NOTCH2NLA: variants seen among roughly 807,000 people sequenced by gnomAD.
NOTCH2NLA encodes notch homolog 2 N-terminal-like protein A.
At position 146,187,066 on chromosome 1, in the gene NOTCH2NLA, C is replaced by T. The variant is rs1553810399; in HGVS notation, c.38+2234G>A. Among the ~76,000 whole-genome samples the T allele has an allele frequency of 2.4e-5, 3 of 125,614 alleles. 1 individual carries two copies. The highest frequency in any genetic ancestry group is 1.8e-5 in the Non-Finnish European group (1 of 54,390). The allele number at this position is 125,614 out of a possible 152,430, so 82.4% of individuals were successfully genotyped here. A position where few individuals can be genotyped will look rare whatever the true frequency, so the allele number is the denominator to read the frequency against. ...CTGACAGGCTCCAGTGTGTGATGTT[C>T]CCCTCCCTGTGTCCATGTGTTCTCA... is the stretch of plus-strand genomic sequence containing the variant. On this transcript the variant is annotated intron_variant, in intron 2 of 4. Transcript: ENST00000362074.
At chr1:146,171,379 C>T (rs1553807048) in intron 2 of NOTCH2NLA, among the ~76,000 whole-genome samples, 1 of 140,574 alleles carries the variant, frequency 7.1e-6, no homozygotes. Context: ...TGCAGTGAGC[C>T]AAGATCGCGC....
In NOTCH2NLA at chr1:146,200,424, GA is replaced by G. The variant is rs1173459520; in HGVS notation, c.-44-11044del. 1.0e-3 allele frequency among the ~76,000 whole-genome samples: 17 copies of G among 16,426 alleles called. 2 individuals carry two copies. The highest frequency in any genetic ancestry group is 3.3e-3 in the African/African-American group (9 of 2,716). 10.8% of individuals were successfully genotyped at this position (16,426 alleles called of 152,430 possible). On this transcript the variant is annotated intron_variant, in intron 1 of 4. Transcript: ENST00000362074. Reference sequence around the variant, plus strand: ...GGTGACACAGCAAGACTCTGCCTGAGAAAAAAAAAAAAAAATATATATATAT... The same window carrying G: ...GGTGACACAGCAAGACTCTGCCTGAGAAAAAAAAAAAAAATATATATATAT...
At position 146,185,311 on chromosome 1, in the gene NOTCH2NLA, G is replaced by A. The variant is rs587610743; in HGVS notation, c.38+3989C>T. Among the ~76,000 whole-genome samples the A allele has an allele frequency of 1.5e-5, 2 of 136,298 alleles. 1 individual carries two copies. Among genetic ancestry groups the A allele is most frequent in the Admixed American group, 1.5e-4 (2 of 13,110 alleles). 89.4% of individuals were successfully genotyped at this position (136,298 alleles called of 152,430 possible). ...AAAATCTGAAGCAAACAACTTGAAA[G>A]TGATTAATGACATCAAATTTAATTA... is the stretch of plus-strand genomic sequence containing the variant. On this transcript the variant is annotated intron_variant, in intron 2 of 4. Coordinates refer to ENST00000362074, the Ensembl canonical transcript of NOTCH2NLA.
intron 2 of NOTCH2NLA, among the ~76,000 whole-genome samples, chr1:146,172,884 G>C (rs1662063531): frequency 6.9e-6 from 1 of 144,934 alleles, no homozygotes; most frequent in Admixed American, 7.0e-5. Context: ...CCACTAAGCA[G>C]CTGGTTCCAA....
chr1:146,159,420 AAAGAAAG>A (rs1661362282), intron 3 of NOTCH2NLA, among the ~76,000 whole-genome samples: 3 of 150,170 alleles, frequency 2.0e-5, no homozygotes, highest in Admixed American at 1.3e-4. Flanking sequence ...AGAAAGAAAG[AAAGAAAG>A]AAAGAAAGAA....
At position 146,207,745 on chromosome 1, in the gene NOTCH2NLA, T is replaced by TAAA. The variant is rs1663657389; in HGVS notation, c.-44-18367_-44-18365dup. ...CCATTCGTGGTCATGATCTGCAGTT[T>TAAA]AAAAAACAATGGACTAAAGCATGCA... On this transcript the variant is annotated intron_variant, in intron 1 of 4. Transcript: ENST00000362074. 3.6e-5 allele frequency among the ~76,000 whole-genome samples: 3 copies of TAAA among 82,680 alleles called. No individual in the cohort carries two copies. The South Asian group carries it at 1.5e-3, about 41-fold the overall frequency. The allele number at this position is 82,680 out of a possible 152,430, so 54.2% of individuals were successfully genotyped here.
In NOTCH2NLA at chr1:146,197,427, C is replaced by CA. The variant is rs1322518686; in HGVS notation, c.-44-8047dup. Among the ~76,000 whole-genome samples, 5 of 94,434 alleles carry CA rather than the reference C, an allele frequency of 5.3e-5. 1 individual carries two copies. Among genetic ancestry groups the CA allele is most frequent in the Non-Finnish European group, 8.5e-5 (4 of 46,848 alleles). 62.0% of individuals were successfully genotyped at this position (94,434 alleles called of 152,430 possible). A position where few individuals can be genotyped will look rare whatever the true frequency, so the allele number is the denominator to read the frequency against. ...CTATTTTATAATATTGAACTCATTG[C>CA]AAAAAAAATTCATCAGTGTTTGCTG... is the stretch of plus-strand genomic sequence containing the variant. On this transcript the variant is annotated intron_variant, in intron 1 of 4. Coordinates refer to ENST00000362074, the Ensembl canonical transcript of NOTCH2NLA.
chr1:146,174,718 C>T (rs1571290713), intron 2 of NOTCH2NLA, among the ~76,000 whole-genome samples: 2 of 144,190 alleles, frequency 1.4e-5, no homozygotes, highest in African/African-American at 4.9e-5. Context: ...TTGCACTGGG[C>T]CTCTTGGCCC....
Position 146,186,804 on chromosome 1 carries a change from G to C in NOTCH2NLA, c.38+2496C>G, listed in dbSNP as rs587594940. ...CACCAAGTTGAATGATCTTCAAATA[G>C]AACCAATTTGCCTCTCTGTATGGTA... On this transcript the variant is annotated intron_variant, in intron 2 of 4. Transcript: ENST00000362074. 6.1e-3 allele frequency among the ~76,000 whole-genome samples: 813 copies of C among 132,920 alleles called. 40 individuals are homozygous for C. Among genetic ancestry groups the C allele is most frequent in the African/African-American group, 0.019 (769 of 39,652 alleles). 87.2% of individuals were successfully genotyped at this position (132,920 alleles called of 152,430 possible).
At chr1:146,174,400 C>CGT (rs1478594183) in intron 2 of NOTCH2NLA, among the ~76,000 whole-genome samples, 1 of 95,810 alleles carries the variant, frequency 1.0e-5, no homozygotes, top group African/African-American at 4.1e-5. Flanking sequence ...CTGTCTTTAG[C>CGT]TTTTTTTTTT....
At chr1:146,175,267 A>G (rs1772509) in intron 2 of NOTCH2NLA, among the ~76,000 whole-genome samples, 7 of 137,562 alleles carry the variant, frequency 5.1e-5, no homozygotes, top group East Asian at 4.0e-4. Flanking sequence ...ACATGCATGA[A>G]GACTTCTAGT....
chr1:146,174,704 C>T lies in NOTCH2NLA; in HGVS notation c.39-9694G>A, dbSNP rs587698505. Among the ~76,000 whole-genome samples, 750 of 144,172 alleles carry T rather than the reference C, an allele frequency of 5.2e-3. 7 individuals are homozygous for T. The highest frequency in any genetic ancestry group is 0.017 in the African/African-American group (710 of 41,050). 94.6% of individuals were successfully genotyped at this position (144,172 alleles called of 152,430 possible). A position where few individuals can be genotyped will look rare whatever the true frequency, so the allele number is the denominator to read the frequency against. On this transcript the variant is annotated intron_variant, in intron 2 of 4. Transcript: ENST00000362074. ...CAGAACTCTGCTTTCAACCCACTTTCTTCTTGCACTGGGCCTCTTGGCCCC... is the reference window on the plus strand; with the variant it reads ...CAGAACTCTGCTTTCAACCCACTTTTTTCTTGCACTGGGCCTCTTGGCCCC...
At chr1:146,229,001 G>A (rs1553820651) in exon 1 of NOTCH2NLA, 1 of 1,378,402 alleles carries the variant, frequency 7.3e-7, no homozygotes, top group African/African-American at 1.6e-5. Flanking sequence ...CCCGAAGTTT[G>A]GCTGAAACTT....
intron 1 of NOTCH2NLA, among the ~76,000 whole-genome samples, chr1:146,228,034 C>T (rs587636978): frequency 8.2e-6 from 1 of 121,460 alleles, no homozygotes; most frequent in South Asian, 2.7e-4. Flanking sequence ...AAATCATGTG[C>T]CTCAGCATGC....
At chr1:146,159,393 G>GAAAGAAAGAA (rs1341934537) in intron 3 of NOTCH2NLA, among the ~76,000 whole-genome samples, 2 of 111,156 alleles carry the variant, frequency 1.8e-5, no homozygotes, top group African/African-American at 6.9e-5. Context: ...GAGAAAGAGA[G>GAAAGAAAGAA]AGAAAGAAAG....
intron 2 of NOTCH2NLA, among the ~76,000 whole-genome samples, chr1:146,186,105 C>G: frequency 7.4e-6 from 1 of 134,342 alleles, no homozygotes; most frequent in South Asian, 2.4e-4. Flanking sequence ...CTTATGTTGA[C>G]CCTGCCACTC....
chr1:146,219,810 T>A (rs1190027467), intron 1 of NOTCH2NLA, among the ~76,000 whole-genome samples: 2 of 94,610 alleles, frequency 2.1e-5, no homozygotes, highest in African/African-American at 1.2e-4. Flanking sequence ...AAAAAAAATA[T>A]ATATATATAT....
intron 2 of NOTCH2NLA, among the ~76,000 whole-genome samples, chr1:146,185,169 TA>T (rs58991440): frequency 0.027 from 3,707 of 136,882 alleles, 81 homozygotes; most frequent in African/African-American, 0.088. Context: ...TAAATGTCCT[TA>T]AAATACATAT....
At chr1:146,198,831 A>C in intron 1 of NOTCH2NLA, among the ~76,000 whole-genome samples, 1 of 63,318 alleles carries the variant, frequency 1.6e-5, no homozygotes. Context: ...TCGCTCTGTC[A>C]CCCAGGCTGG....
Sources: allele counts gnomAD v4.1 joint callset (sites outside exome capture counted in the v4.1 genomes callset), GRCh38; gene constraint gnomAD v4.1.1; transcripts MANE v1.5; gene names NCBI Gene and HGNC (gene_info 2026-07-23, HGNC 2026-07-21).